The following NTM variants were observed in gnomAD, a reference collection of about 807,000 sequenced individuals.
The protein encoded by NTM is IgLON family member 2.
NTM carries 13 observed loss-of-function variants against 42.1 expected under a neutral mutation model. The observed-to-expected ratio is 0.31, with a 90% CI of 0.20 to 0.49. NTM has a LOEUF of 0.49. Ranked by LOEUF, NTM falls within the 20% of genes least tolerant of loss-of-function variation. The pLI, the probability that NTM is intolerant of heterozygous loss-of-function variation, is 0.99. For missense variants in NTM, 373 were observed against 452.8 expected (o/e 0.82, Z 1.60); for synonymous variants, 187 against 179.2 (o/e 1.04, Z -0.35).
chr11:132,108,785 A>G (rs1207731599), intron 2 of NTM, among the ~76,000 whole-genome samples: 2 of 152,122 alleles, frequency 1.3e-5, no homozygotes, highest in East Asian at 1.9e-4. Context: ...TACATGTGCC[A>G]TTGTGGTTTG....
At chr11:131,425,186 G>A (rs1438597138) in intron 1 of NTM, among the ~76,000 whole-genome samples, 2 of 152,224 alleles carry the variant, frequency 1.3e-5, no homozygotes, top group Non-Finnish European at 2.9e-5. Context: ...CTGGCTAGTT[G>A]TCTCCTTTTA....
At chr11:131,772,778 T>A (rs1238300618) in intron 1 of NTM, among the ~76,000 whole-genome samples, 1 of 152,138 alleles carries the variant, frequency 6.6e-6, no homozygotes, top group African/African-American at 2.4e-5. Context: ...TTGGTGATAA[T>A]TTGTTTTGCA....
chr11:131,650,760 A>G (rs1010945011), intron 1 of NTM, among the ~76,000 whole-genome samples: 1 of 152,162 alleles, frequency 6.6e-6, no homozygotes, highest in South Asian at 2.1e-4. Context: ...AGAAAAAAAA[A>G]TACCAAATTT....
rs569903958 is a variant in NTM, at chr11:132,312,022, A to G, written c.782+1790A>G. 1.1e-3 allele frequency among the ~76,000 whole-genome samples: 170 copies of G among 151,984 alleles called. 1 individual carries two copies. Among genetic ancestry groups the G allele is most frequent in the African/African-American group, 4.0e-3 (167 of 41,456 alleles). On this transcript the variant is annotated intron_variant, in intron 6 of 8. Transcript: ENST00000683400. ...TGGCCTCTCCTTTTCTCCCCTTTCC[A>G]TTTAGTGGTTTAGTCAGTTTTCCCT...
intron 7 of NTM, among the ~76,000 whole-genome samples, chr11:132,327,391 T>C (rs1454514536): frequency 1.3e-5 from 2 of 152,240 alleles, no homozygotes; most frequent in African/African-American, 4.8e-5. Flanking sequence ...GTAAACTCTG[T>C]ATATCAGAAG....
chr11:131,763,777 C>T (rs1023336099), intron 1 of NTM, among the ~76,000 whole-genome samples: 1 of 138,010 alleles, frequency 7.2e-6, no homozygotes, highest in Non-Finnish European at 1.5e-5. Flanking sequence ...ATTCTGTACG[C>T]TGCTTTATAT....
chr11:131,980,906 C>T (rs1199694723), intron 2 of NTM, among the ~76,000 whole-genome samples: 3 of 152,230 alleles, frequency 2.0e-5, no homozygotes, highest in African/African-American at 4.8e-5. Flanking sequence ...GGTTCAAATC[C>T]GACTCTATGT....
intron 2 of NTM, among the ~76,000 whole-genome samples, chr11:132,006,993 C>T (rs932959405): frequency 5.9e-5 from 9 of 152,146 alleles, no homozygotes; most frequent in African/African-American, 1.2e-4. Context: ...ACTTCCAGTG[C>T]GAGACCCTCC....
intron 1 of NTM, among the ~76,000 whole-genome samples, chr11:131,420,379 A>AC (rs1274164713): frequency 2.6e-5 from 4 of 152,154 alleles, no homozygotes; most frequent in African/African-American, 9.6e-5. Context: ...ACTCTCTAGA[A>AC]CCTGCAGGTA....
intron 3 of NTM, among the ~76,000 whole-genome samples, chr11:132,190,845 G>A (rs559517577): frequency 6.6e-6 from 1 of 152,192 alleles, no homozygotes; most frequent in African/African-American, 2.4e-5. Flanking sequence ...TAGCTCTGTA[G>A]CATCTTAGAG....
intron 1 of NTM, among the ~76,000 whole-genome samples, chr11:131,860,116 C>A (rs1003391706): frequency 5.3e-5 from 8 of 152,154 alleles, no homozygotes; most frequent in Admixed American, 5.2e-4. Flanking sequence ...CCGTCAATGT[C>A]AAAAAGATTT....
intron 1 of NTM, among the ~76,000 whole-genome samples, chr11:131,790,935 C>T (rs1218715365): frequency 2.0e-5 from 3 of 152,186 alleles, no homozygotes; most frequent in Admixed American, 1.3e-4. Context: ...CTCTATCACA[C>T]TCAGAATACA....
intron 1 of NTM, among the ~76,000 whole-genome samples, chr11:131,670,977 C>T (rs941413143): frequency 6.6e-6 from 1 of 152,144 alleles, no homozygotes; most frequent in Non-Finnish European, 1.5e-5. Flanking sequence ...AGACGTCCTT[C>T]CCTCTGCTTC....
chr11:131,665,027 C>T (rs535968115), intron 1 of NTM, among the ~76,000 whole-genome samples: 2 of 152,210 alleles, frequency 1.3e-5, no homozygotes, highest in Admixed American at 6.5e-5. Context: ...CGGATGGGTA[C>T]CCACCAAGCC....
In NTM at chr11:132,317,620, A is replaced by T. The variant is rs1259749307; in HGVS notation, c.934+2917A>T. 3 of 1,281,318 alleles carry T rather than the reference A, an allele frequency of 2.3e-6. No homozygotes were observed. The East Asian group carries it at 1.7e-4, about 72-fold the overall frequency. The allele number at this position is 1,281,318 out of a possible 1,614,324, so 79.4% of individuals were successfully genotyped here. On this transcript the variant is annotated intron_variant, in intron 7 of 8. Coordinates refer to ENST00000683400, the MANE Select transcript of NTM (RefSeq NM_001352005.2). ...GTATATAATATATGTGTTTGTTCTC[A>T]TTTTTCTCTCCTGTGTGTCCCTCAA...
At chr11:132,218,212 A>G (rs1210936366) in intron 4 of NTM, among the ~76,000 whole-genome samples, 1 of 152,198 alleles carries the variant, frequency 6.6e-6, no homozygotes, top group African/African-American at 2.4e-5. Context: ...GAAGAGGGCA[A>G]AATGGAACTA....
chr11:131,640,640 A>G (rs1008046388), intron 1 of NTM, among the ~76,000 whole-genome samples: 1 of 152,188 alleles, frequency 6.6e-6, no homozygotes, highest in Admixed American at 6.5e-5. Context: ...AGGTGATTTC[A>G]ATTAAGTGCT....
chr11:132,281,228 G>T (rs1003947600), intron 4 of NTM, among the ~76,000 whole-genome samples: 16 of 152,280 alleles, frequency 1.1e-4, no homozygotes, highest in Admixed American at 2.0e-4. Flanking sequence ...TAAATTTTCT[G>T]TTAGCCCAGT....
At chr11:131,446,182 C>A (rs1226715550) in intron 1 of NTM, among the ~76,000 whole-genome samples, 1 of 152,148 alleles carries the variant, frequency 6.6e-6, no homozygotes, top group Non-Finnish European at 1.5e-5. Context: ...TTCATCTGAG[C>A]CCCACTTAAG....
Sources: allele counts gnomAD v4.1 joint callset (sites outside exome capture counted in the v4.1 genomes callset), GRCh38; gene constraint gnomAD v4.1.1; transcripts MANE v1.5; gene names NCBI Gene and HGNC (gene_info 2026-07-23, HGNC 2026-07-21).